Variants in CDK5RAP2 observed in about 807,000 individuals in gnomAD.
CDK5RAP2 encodes CDK5 regulatory subunit-associated protein 2.
CDK5RAP2 carries 147 observed loss-of-function variants against 232.9 expected under a neutral mutation model. That is an observed-to-expected ratio of 0.63 (90% CI 0.55 to 0.72). The LOEUF is 0.72. CDK5RAP2 is among the 30% of genes least tolerant of loss of function. The probability of loss-of-function intolerance (pLI) is 0.00; values close to 1 mark genes in which losing one functional copy is unlikely to be tolerated. For synonymous variants in CDK5RAP2, 833 were observed against 833.7 expected, an observed-to-expected ratio of 1.00 and a Z score of 0.01; for missense variants, 2,195 against 2,231.5, an observed-to-expected ratio of 0.98 and a Z score of 0.33.
intron 35 of CDK5RAP2, among the ~76,000 whole-genome samples, chr9:120,400,349 A>ATCT (rs2032890538): frequency 6.6e-6 from 1 of 152,250 alleles, no homozygotes; most frequent in Non-Finnish European, 1.5e-5. Context: ...AAAAGAGATG[A>ATCT]TGAGTAGAAA....
chr9:120,456,004 CA>C (rs1183872961), intron 20 of CDK5RAP2, among the ~76,000 whole-genome samples: 1 of 151,810 alleles, frequency 6.6e-6, no homozygotes, highest in Non-Finnish European at 1.5e-5. Flanking sequence ...AGAGAATTCA[CA>C]ATTGAGGAAA....
At chr9:120,430,005 T>C (rs1588311186) in intron 25 of CDK5RAP2, among the ~76,000 whole-genome samples, 1 of 152,132 alleles carries the variant, frequency 6.6e-6, no homozygotes. Context: ...AAACAAGCAA[T>C]GGGGAAAGGA....
chr9:120,509,041 T>G (rs1213220595), intron 12 of CDK5RAP2, among the ~76,000 whole-genome samples: 1 of 152,186 alleles, frequency 6.6e-6, no homozygotes, highest in African/African-American at 2.4e-5. Context: ...ATAAAAACTG[T>G]TGGGGACAGC....
In CDK5RAP2 at chr9:120,539,123, A is replaced by T. The variant is rs1374924161; in HGVS notation, c.425T>A (p.Ile142Asn). ...ESLAEAGGSE[I>N]QRVKEDARKK... ...TCGAGCATCTTCTTTCACCCGCTGG[A>T]TTTCAGAGCCACCTGCTTCAGCTAA... Residue 142 changes from isoleucine (I) to asparagine (N), a missense_variant, in exon 6 of 38, where the codon ATC (isoleucine) becomes AAC (asparagine). Ile to Asn is a moderately radical substitution (Grantham distance 149, BLOSUM62 -3). Coordinates refer to ENST00000349780, the MANE Select transcript of CDK5RAP2 (RefSeq NM_018249.6). 1.2e-6 allele frequency: 2 copies of T among 1,613,864 alleles called. No homozygotes were observed. Among genetic ancestry groups the T allele is most frequent in the African/African-American group, 2.7e-5 (2 of 74,894 alleles).
chr9:120,575,123 C>T (rs2042986489), intron 1 of CDK5RAP2, among the ~76,000 whole-genome samples: 1 of 152,130 alleles, frequency 6.6e-6, no homozygotes, highest in Admixed American at 6.5e-5. Context: ...GTGATCTCAG[C>T]TCATTGCAAC....
intron 25 of CDK5RAP2, among the ~76,000 whole-genome samples, chr9:120,434,385 G>GT (rs2035455910): frequency 6.6e-6 from 1 of 152,178 alleles, no homozygotes; most frequent in African/African-American, 2.4e-5. Context: ...CAGGGCGATG[G>GT]TACAGGGCTT....
At chr9:120,455,732 G>A (rs934756361) in intron 20 of CDK5RAP2, among the ~76,000 whole-genome samples, 13 of 149,838 alleles carry the variant, frequency 8.7e-5, no homozygotes, top group African/African-American at 1.2e-4. Context: ...GCCAAACCTT[G>A]TGTCAAAAAA....
chr9:120,494,090 T>TAAAAAAAAAAAAAA (rs532352159), intron 12 of CDK5RAP2, among the ~76,000 whole-genome samples: 1 of 119,270 alleles, frequency 8.4e-6, no homozygotes. Flanking sequence ...AGACTCAGTT[T>TAAAAAAAAAAAAAA]AAAAAAAAAA....
chr9:120,475,111 A>G (rs2037930831), intron 15 of CDK5RAP2, among the ~76,000 whole-genome samples: 1 of 152,200 alleles, frequency 6.6e-6, no homozygotes, highest in African/African-American at 2.4e-5. Context: ...ACAACCCTGT[A>G]AAGCAGGTAG....
In CDK5RAP2 at chr9:120,491,480, AC is replaced by A. The variant is rs778926796; in HGVS notation, c.1312-4del. 28 of 1,604,994 alleles carry A rather than the reference AC, an allele frequency of 1.7e-5. No individual in the cohort carries two copies. The East Asian group carries it at 5.6e-4, about 32-fold the overall frequency. ...TTTTCAACTTCATTTCTAAGATCCT[AC>A]CAGAAGAAAATGAAAAAATGGAATT... On this transcript the variant is annotated splice_polypyrimidine_tract_variant and splice_region_variant and intron_variant, in intron 12 of 37. Coordinates refer to ENST00000349780, the MANE Select transcript of CDK5RAP2 (RefSeq NM_018249.6).
At chr9:120,432,093 G>A (rs1041224613) in intron 25 of CDK5RAP2, among the ~76,000 whole-genome samples, 48 of 152,166 alleles carry the variant, frequency 3.2e-4, no homozygotes, top group African/African-American at 1.0e-3. Flanking sequence ...GAAATAGCAA[G>A]GATATGCACA....
chr9:120,448,162 G>T, intron 21 of CDK5RAP2, 36 bp from the exon 22 acceptor site: 2 of 1,492,354 alleles, frequency 1.3e-6, no homozygotes, highest in South Asian at 1.1e-5. Flanking sequence ...AATACACTTT[G>T]AACACACTTC....
chr9:120,413,833 AG>A (rs1322826112), intron 28 of CDK5RAP2, among the ~76,000 whole-genome samples: 14 of 121,400 alleles, frequency 1.2e-4, no homozygotes, highest in African/African-American at 3.6e-4. Context: ...AGGAGGGAGG[AG>A]GGAGGAGGGA....
chr9:120,525,112 T>C, intron 10 of CDK5RAP2, 34 bp from the exon 11 acceptor site: 1 of 1,494,338 alleles, frequency 6.7e-7, no homozygotes, highest in South Asian at 1.1e-5. Context: ...GCCAAGTATG[T>C]AACTGGGCTC....
At chr9:120,412,662 AAC>A (rs1407931204) in intron 28 of CDK5RAP2, among the ~76,000 whole-genome samples, 1 of 152,196 alleles carries the variant, frequency 6.6e-6, no homozygotes, top group Non-Finnish European at 1.5e-5. Context: ...TACATGAGAA[AAC>A]ACAAATCCCT....
At position 120,566,377 on chromosome 9, in the gene CDK5RAP2, C is replaced by A. The variant is rs189620097; in HGVS notation, c.195+1944G>T. Among the ~76,000 whole-genome samples, 322 of 152,238 alleles carry A rather than the reference C, an allele frequency of 2.1e-3. 2 individuals are homozygous for A. The highest frequency in any genetic ancestry group is 7.1e-3 in the African/African-American group (297 of 41,546). ...TATTAATGCCATAAAAACCTAACAG[C>A]AACCAAAGGACTACAGTCATAAAGA... is the stretch of plus-strand genomic sequence containing the variant. On this transcript the variant is annotated intron_variant, in intron 3 of 37. Transcript: ENST00000349780.
chr9:120,455,654 G>C (rs1326200370), intron 20 of CDK5RAP2, among the ~76,000 whole-genome samples: 1 of 151,800 alleles, frequency 6.6e-6, no homozygotes, highest in Admixed American at 6.6e-5. Flanking sequence ...GAGGTGGGAG[G>C]ACGGCTTGAA....
intron 27 of CDK5RAP2, 143 bp from the exon 28 acceptor site, chr9:120,415,302 G>T: frequency 1.1e-6 from 1 of 889,480 alleles, no homozygotes; most frequent in Non-Finnish European, 1.8e-6. Context: ...TCCTAGGCAT[G>T]GGGAGGGTGA....
rs547439054 is a variant in CDK5RAP2 at position 120,397,410 on chromosome 9, T to A, written c.5452-2772A>T. 3.6e-4 allele frequency among the ~76,000 whole-genome samples: 54 copies of A among 151,650 alleles called. 1 individual carries two copies. Among genetic ancestry groups the A allele is most frequent in the African/African-American group, 1.0e-3 (42 of 41,386 alleles). ...ATCTCTCTAGAAGATTTTTTTTTTTTAAATAAAGACAGCATCTTACTATGT... is the reference window on the plus strand; with the variant it reads ...ATCTCTCTAGAAGATTTTTTTTTTTAAAATAAAGACAGCATCTTACTATGT... On this transcript the variant is annotated intron_variant, in intron 35 of 37. Coordinates refer to ENST00000349780, the MANE Select transcript of CDK5RAP2 (RefSeq NM_018249.6).
Sources: gnomAD v4.1 joint callset for allele counts (sites outside exome capture counted in the v4.1 genomes callset) on GRCh38, gnomAD v4.1.1 for gene constraint, MANE v1.5 for transcripts, NCBI Gene and HGNC (gene_info 2026-07-23, HGNC 2026-07-21) for gene names.